TSEN15: variants seen among roughly 807,000 people sequenced by gnomAD.
The protein encoded by TSEN15 is tRNA splicing endonuclease subunit 15, also known as tRNA-splicing endonuclease subunit Sen15.
A neutral mutation model predicts 20.5 loss-of-function variants in TSEN15; 10 were observed. The ratio of observed to expected loss-of-function variants is 0.49; its 90% confidence interval spans 0.30 to 0.83. The LOEUF (loss-of-function observed/expected upper bound fraction) is 0.83, where lower values mean the gene tolerates loss of function less well. Ranked by LOEUF, TSEN15 falls within the 40% of genes least tolerant of loss-of-function variation. The pLI, the probability that TSEN15 is intolerant of heterozygous loss-of-function variation, is 0.06. For missense variants in TSEN15, 180 were observed against 218.6 expected (o/e 0.82, Z 1.11); for synonymous variants, 72 against 80.1 (o/e 0.90, Z 0.54).
At chr1:184,059,155 G>A (rs1650355885) in intron 3 of TSEN15, among the ~76,000 whole-genome samples, 1 of 151,192 alleles carries the variant, frequency 6.6e-6, no homozygotes, top group Non-Finnish European at 1.5e-5. Flanking sequence ...CTAGATAATT[G>A]AATAACAAGT....
At chr1:184,093,482 G>T (rs180818075) in intron 3 of TSEN15, 3 of 152,136 alleles carry the variant, frequency 2.0e-5, no homozygotes. Flanking sequence ...TATCTCTTAG[G>T]GCTCTTGTGA....
At chr1:184,060,706 T>TTTAC (rs1313867500) in intron 3 of TSEN15, among the ~76,000 whole-genome samples, 1 of 152,188 alleles carries the variant, frequency 6.6e-6, no homozygotes, top group African/African-American at 2.4e-5. Context: ...AAGCTGAGGT[T>TTTAC]AAAAGTATAT....
chr1:184,067,941 A>AAAATATATAT (rs1400681024), intron 3 of TSEN15, among the ~76,000 whole-genome samples: 5 of 95,572 alleles, frequency 5.2e-5, no homozygotes, highest in South Asian at 3.6e-4. Context: ...AAAAAAAAAA[A>AAAATATATAT]ATATATATAT....
chr1:184,094,932 G>GGCCTCTGAGGAGT, intron 3 of TSEN15: 1 of 398,150 alleles, frequency 2.5e-6, no homozygotes, highest in Non-Finnish European at 4.4e-6. Flanking sequence ...TGACAGACAT[G>GGCCTCTGAGGAGT]GCCTCTGAGG....
chr1:184,084,529 G>A, intron 3 of TSEN15, among the ~76,000 whole-genome samples: 1 of 151,158 alleles, frequency 6.6e-6, no homozygotes, highest in Admixed American at 6.6e-5. Context: ...GGTGGGATGG[G>A]GTGTGATAGT....
At chr1:184,066,693 A>T (rs778149328) in intron 3 of TSEN15, among the ~76,000 whole-genome samples, 1 of 152,166 alleles carries the variant, frequency 6.6e-6, no homozygotes, top group Non-Finnish European at 1.5e-5. Context: ...GGTGTGAGCC[A>T]CTGTGCCCGG....
At chr1:184,077,476 T>C (rs1394647209), downstream of TSEN15, among the ~76,000 whole-genome samples, 2 of 152,168 alleles carry the variant, frequency 1.3e-5, no homozygotes, top group African/African-American at 4.8e-5. Flanking sequence ...TGTGAACACA[T>C]TATCCATTCA....
chr1:184,071,967 A>T (rs10911503), intron 3 of TSEN15, 190 bp from the exon 4 acceptor site: 1 of 472,026 alleles, frequency 2.1e-6, no homozygotes, highest in Non-Finnish European at 3.6e-6. Flanking sequence ...GATTCCAATT[A>T]TGTGTAATGT....
At chr1:184,087,611 A>G (rs75133379) in intron 3 of TSEN15, among the ~76,000 whole-genome samples, 3,973 of 152,316 alleles carry the variant, frequency 0.026, 175 homozygotes, top group African/African-American at 0.089. Flanking sequence ...GCACATAATC[A>G]GGAGACTTTC....
chr1:184,090,831 G>C (rs1391079786), intron 3 of TSEN15, among the ~76,000 whole-genome samples: 1 of 152,186 alleles, frequency 6.6e-6, no homozygotes, highest in Non-Finnish European at 1.5e-5. Flanking sequence ...CAGCTTACAA[G>C]GGCTGTGCAC....
intron 3 of TSEN15, among the ~76,000 whole-genome samples, chr1:184,058,539 C>G (rs1333224558): frequency 6.6e-6 from 1 of 151,954 alleles, no homozygotes; most frequent in Non-Finnish European, 1.5e-5. Flanking sequence ...ATACTTTTAT[C>G]TATTTTTACT....
intron 3 of TSEN15, 62 bp downstream of exon 3, chr1:184,054,925 T>C: frequency 6.5e-7 from 1 of 1,536,950 alleles, no homozygotes; most frequent in Non-Finnish European, 8.8e-7. Flanking sequence ...ACATTAAACA[T>C]AGTGATGTAA....
chr1:184,063,417 A>G lies in TSEN15; in HGVS notation c.353+8554A>G, dbSNP rs1361086541. The stretch of plus-strand genomic sequence containing the variant: ...GAGTATTGTACAATTAAAGGAATTT[A>G]TGCCTTAAGAGAAGTGAAAATAATT... On this transcript the variant is annotated intron_variant, in intron 3 of 4. Transcript: ENST00000645668. Among the ~76,000 whole-genome samples, 4 of 152,212 alleles carry G rather than the reference A, an allele frequency of 2.6e-5. No homozygotes were observed. In the East Asian group the frequency reaches 7.7e-4, roughly 29 times the overall value.
intron 3 of TSEN15, among the ~76,000 whole-genome samples, chr1:184,067,939 A>C (rs868385572): frequency 3.7e-4 from 42 of 113,464 alleles, no homozygotes; most frequent in Admixed American, 3.3e-3. Context: ...AAAAAAAAAA[A>C]AAATATATAT....
chr1:184,083,745 G>A (rs1651210780), intron 3 of TSEN15, among the ~76,000 whole-genome samples: 2 of 152,056 alleles, frequency 1.3e-5, no homozygotes, highest in South Asian at 2.1e-4. Context: ...AGATATAAAT[G>A]AATAGAATTC....
chr1:184,054,573 T>C lies in TSEN15; in HGVS notation c.217+138T>C, dbSNP rs149616924. On this transcript the variant is annotated intron_variant, in intron 2 of 4. Transcript: ENST00000645668. Reference sequence around the variant, plus strand: ...TAATTTTGCAATTTATTTATTTACATTGGGAATTACTGAGTAACAGAAGCT... The same window carrying C: ...TAATTTTGCAATTTATTTATTTACACTGGGAATTACTGAGTAACAGAAGCT... The C allele has an allele frequency of 3.9e-5, 45 of 1,163,468 alleles. No homozygotes were observed. In the Admixed American group the frequency reaches 1.1e-3, roughly 27 times the overall value. 72.1% of individuals were successfully genotyped at this position (1,163,468 alleles called of 1,614,324 possible). A position where few individuals can be genotyped will look rare whatever the true frequency, so the allele number is the denominator to read the frequency against.
chr1:184,051,981 G>A (rs1650069244), intron 1 of TSEN15, 91 bp downstream of exon 1: 2 of 1,224,604 alleles, frequency 1.6e-6, no homozygotes, highest in Non-Finnish European at 2.1e-6. Context: ...TTCCTCAGTG[G>A]GAGACTGAGG....
At chr1:184,053,274 C>T (rs1650119981) in intron 1 of TSEN15, among the ~76,000 whole-genome samples, 1 of 152,060 alleles carries the variant, frequency 6.6e-6, no homozygotes, top group African/African-American at 2.4e-5. Flanking sequence ...TCCAATTTCA[C>T]CTTTCTGTTA....
intron 3 of TSEN15, among the ~76,000 whole-genome samples, chr1:184,069,831 A>G (rs1218304703): frequency 6.6e-6 from 1 of 152,074 alleles, no homozygotes; most frequent in Non-Finnish European, 1.5e-5. Flanking sequence ...ATCCTGAACA[A>G]GAAACTGTAA....
Sources: allele counts gnomAD v4.1 joint callset (sites outside exome capture counted in the v4.1 genomes callset), GRCh38; gene constraint gnomAD v4.1.1; transcripts MANE v1.5; gene names NCBI Gene and HGNC (gene_info 2026-07-23, HGNC 2026-07-21).